Variants in TBC1D19 observed in about 807,000 individuals in gnomAD.
The protein encoded by TBC1D19 is TBC1 domain family member 19.
TBC1D19 carries 60 observed loss-of-function variants against 89.0 expected under a neutral mutation model. That is an observed-to-expected ratio of 0.67 (90% confidence interval 0.55 to 0.84). TBC1D19 has a LOEUF of 0.84. TBC1D19 is among the 40% of genes least tolerant of loss of function. The pLI is 0.00. For synonymous variants in TBC1D19, 189 were observed against 199.7 expected, an observed-to-expected ratio of 0.95 and a Z score of 0.45; for missense variants, 500 against 610.8, an observed-to-expected ratio of 0.82 and a Z score of 1.91.
chr4:26,768,881 A>C, the TBC1D19 span, among the ~76,000 whole-genome samples: 2 of 152,110 alleles, frequency 1.3e-5, no homozygotes, highest in African/African-American at 4.8e-5. Flanking sequence ...CAAAGGAAGC[A>C]GGGGAGGATA....
At chr4:26,805,245 A>C in the TBC1D19 span, among the ~76,000 whole-genome samples, 1 of 152,196 alleles carries the variant, frequency 6.6e-6, no homozygotes, top group African/African-American at 2.4e-5. Flanking sequence ...AGGTCTGTTG[A>C]AACTACGGAT....
rs377601607 is a variant in TBC1D19, at chr4:26,659,578, G to A, written c.481-19G>A. ...TCCTGGAAAGAAACTAACCAATTTT[G>A]TTGGATTTGTTTTTAAAGGTATTAA... On this transcript the variant is annotated intron_variant, in intron 7 of 20. Coordinates refer to ENST00000264866, the MANE Select transcript of TBC1D19 (RefSeq NM_018317.4). 588 of 1,517,274 alleles carry A rather than the reference G, an allele frequency of 3.9e-4. No homozygotes were observed. The highest frequency in any genetic ancestry group is 5.0e-4 in the Non-Finnish European group (551 of 1,101,956). 94.0% of individuals were successfully genotyped at this position (1,517,274 alleles called of 1,614,324 possible).
At chr4:26,816,063 A>G in the TBC1D19 span, among the ~76,000 whole-genome samples, 1 of 152,194 alleles carries the variant, frequency 6.6e-6, no homozygotes, top group Non-Finnish European at 1.5e-5. Flanking sequence ...GAGCAACCCT[A>G]TAAGGCTTTG....
At chr4:26,586,171 C>CTT (rs57229787) in intron 1 of TBC1D19, among the ~76,000 whole-genome samples, 56 of 52,218 alleles carry the variant, frequency 1.1e-3, no homozygotes, top group African/African-American at 1.7e-3. Context: ...GCAAGGTAAG[C>CTT]TTTTTTTTTT....
At chr4:26,617,310 T>C (rs1441881011) in intron 3 of TBC1D19, among the ~76,000 whole-genome samples, 1 of 152,238 alleles carries the variant, frequency 6.6e-6, no homozygotes, top group Non-Finnish European at 1.5e-5. Context: ...CTGTTACAAT[T>C]GCAAATTTTA....
intron 1 of TBC1D19, among the ~76,000 whole-genome samples, chr4:26,588,740 G>T (rs1180942421): frequency 6.6e-6 from 1 of 151,932 alleles, no homozygotes; most frequent in African/African-American, 2.4e-5. Flanking sequence ...ATTCTCTTAT[G>T]GTCAAGAATA....
chr4:26,603,353 A>G lies in TBC1D19; in HGVS notation c.100-9816A>G, dbSNP rs548566638. ...TGTTACAAAATTATGTATGATACGT[A>G]AAAAATTAAGTCACAGTGCAAGGCT... On this transcript the variant is annotated intron_variant, in intron 1 of 20. Coordinates refer to ENST00000264866, the MANE Select transcript of TBC1D19 (RefSeq NM_018317.4). Among the ~76,000 whole-genome samples, 24 of 152,318 alleles carry G rather than the reference A, an allele frequency of 1.6e-4. No individual in the cohort carries two copies. The South Asian group carries it at 4.8e-3, about 30-fold the overall frequency.
intron 3 of TBC1D19, among the ~76,000 whole-genome samples, chr4:26,616,089 T>G (rs919626357): frequency 1.3e-5 from 2 of 152,160 alleles, no homozygotes; most frequent in African/African-American, 4.8e-5. Context: ...ATATTATTTT[T>G]ATTCCTCATT....
intron 13 of TBC1D19, among the ~76,000 whole-genome samples, chr4:26,716,380 A>C (rs910379229): frequency 1.3e-5 from 2 of 152,102 alleles, no homozygotes; most frequent in African/African-American, 4.8e-5. Flanking sequence ...AGTCAGGTAG[A>C]AGTAAATAAA....
intron 1 of TBC1D19, among the ~76,000 whole-genome samples, chr4:26,598,930 A>C (rs1206484974): frequency 2.6e-5 from 4 of 152,082 alleles, no homozygotes; most frequent in African/African-American, 4.8e-5. Flanking sequence ...GAAAATTAGA[A>C]AGTTAGAAAA....
intron 7 of TBC1D19, among the ~76,000 whole-genome samples, chr4:26,651,679 C>G (rs561205637): frequency 1.3e-5 from 2 of 152,124 alleles, no homozygotes; most frequent in Non-Finnish European, 2.9e-5. Context: ...TTGACTTCCT[C>G]TTTTCCTAAT....
chr4:26,731,960 C>T (rs545761089), intron 15 of TBC1D19, among the ~76,000 whole-genome samples: 12 of 151,912 alleles, frequency 7.9e-5, no homozygotes, highest in African/African-American at 2.2e-4. Context: ...AGAAAATGAG[C>T]GAGATTAGAG....
chr4:26,803,003 C>T, the TBC1D19 span, among the ~76,000 whole-genome samples: 3 of 152,118 alleles, frequency 2.0e-5, no homozygotes, highest in Admixed American at 6.5e-5. Context: ...GGACGCTAAT[C>T]CCATTTATGA....
chr4:26,620,566 A>G (rs1345039131), intron 3 of TBC1D19, 47 bp from the exon 4 acceptor site: 3 of 1,527,942 alleles, frequency 2.0e-6, no homozygotes, highest in Non-Finnish European at 2.7e-6. Flanking sequence ...GTAATATCTA[A>G]CCAAGAGAAT....
chr4:26,723,277 T>A (rs1577986146), intron 15 of TBC1D19, among the ~76,000 whole-genome samples: 1 of 152,084 alleles, frequency 6.6e-6, no homozygotes, highest in Admixed American at 6.5e-5. Context: ...CTTTTTTTTT[T>A]AACTCAAGGC....
intron 4 of TBC1D19, among the ~76,000 whole-genome samples, chr4:26,626,687 T>A (rs1343136463): frequency 6.6e-6 from 1 of 152,058 alleles, no homozygotes; most frequent in African/African-American, 2.4e-5. Context: ...TCCAGTAACC[T>A]TGGCAAAAAT....
Position 26,754,811 on chromosome 4 carries a change from T to G in TBC1D19, c.1507-62T>G, listed in dbSNP as rs1224862131. 6.0e-6 allele frequency: 8 copies of G among 1,336,026 alleles called. No individual in the cohort carries two copies. The African/African-American group carries it at 1.0e-4, about 17-fold the overall frequency. The allele number at this position is 1,336,026 out of a possible 1,614,324, so 82.8% of individuals were successfully genotyped here. A position where few individuals can be genotyped will look rare whatever the true frequency, so the allele number is the denominator to read the frequency against. On this transcript the variant is annotated intron_variant, in intron 20 of 20. Transcript: ENST00000264866. Reference sequence around the variant, plus strand: ...TAGTGTCAAAATTACATTGTAATTATGTTTACCTTATTTCATAGACTTCGC... The same window carrying G: ...TAGTGTCAAAATTACATTGTAATTAGGTTTACCTTATTTCATAGACTTCGC...
rs914822002 is a variant in TBC1D19, at chr4:26,643,737, A to G, written c.480+3550A>G. ...CAAATAGATGCAATAAAAAATGCTAAAGGGAATATCACCACCGATTCCACA... is the reference window on the plus strand; with the variant it reads ...CAAATAGATGCAATAAAAAATGCTAGAGGGAATATCACCACCGATTCCACA... On this transcript the variant is annotated intron_variant, in intron 7 of 20. Transcript: ENST00000264866. 3.3e-5 allele frequency among the ~76,000 whole-genome samples: 5 copies of G among 152,208 alleles called. No homozygotes were observed. The East Asian group carries it at 9.6e-4, about 29-fold the overall frequency.
At chr4:26,743,579 T>C (rs1328651918) in intron 18 of TBC1D19, among the ~76,000 whole-genome samples, 1 of 152,064 alleles carries the variant, frequency 6.6e-6, no homozygotes, top group East Asian at 1.9e-4. Context: ...ACAATCAAGA[T>C]GGAGATAGAG....
Sources: allele counts gnomAD v4.1 joint callset (sites outside exome capture counted in the v4.1 genomes callset), GRCh38; gene constraint gnomAD v4.1.1; transcripts MANE v1.5; gene names NCBI Gene and HGNC (gene_info 2026-07-23, HGNC 2026-07-21).